The following ZNF684 variants were observed in gnomAD, a reference collection of about 807,000 sequenced individuals.
ZNF684 encodes the protein zinc finger protein 684.
A neutral mutation model predicts 12.8 loss-of-function variants in ZNF684; 13 were observed. The ratio of observed to expected loss-of-function variants is 1.02; its 90% confidence interval spans 0.66 to 1.62. The LOEUF is 1.62. Ranked by LOEUF, ZNF684 falls within the 40% of genes most tolerant of loss-of-function variation. The probability of loss-of-function intolerance (pLI) is 0.00; values close to 1 mark genes in which losing one functional copy is unlikely to be tolerated. For synonymous variants in ZNF684, 118 were observed against 151.8 expected, an observed-to-expected ratio of 0.78 and a Z score of 1.64; for missense variants, 384 against 446.9, an observed-to-expected ratio of 0.86 and a Z score of 1.27.
chr1:40,541,098 T>A (rs1646012172), intron 3 of ZNF684, among the ~76,000 whole-genome samples: 1 of 149,724 alleles, frequency 6.7e-6, no homozygotes, highest in Non-Finnish European at 1.5e-5. Context: ...AGCTGGGCCC[T>A]ACATTTTAGT....
chr1:40,547,433 T>C lies in ZNF684; in HGVS notation c.1110T>C (p.Leu370=), dbSNP rs1646055548. 3 of 1,605,344 alleles carry C rather than the reference T, an allele frequency of 1.9e-6. No individual in the cohort carries two copies. The highest frequency in any genetic ancestry group is 2.6e-6 in the Non-Finnish European group (3 of 1,174,626). The part of the protein sequence containing the change: ...CGKAFSQKSN[L]IVHQKIHT ...AAGCATTTTCCCAGAAGTCAAATCT[T>C]ATTGTACATCAGAAAATTCATACAT... Residue 370 remains leucine (L), a synonymous_variant, in exon 5 of 5, where the codon CTT becomes CTC. Transcript: ENST00000372699.
At chr1:40,540,115 A>G (rs1646006558) in intron 2 of ZNF684, among the ~76,000 whole-genome samples, 1 of 152,028 alleles carries the variant, frequency 6.6e-6, no homozygotes, top group Non-Finnish European at 1.5e-5. Context: ...ATTTTGATGA[A>G]TTCCTATTTA....
chr1:40,544,681 G>A (rs1377684999), intron 4 of ZNF684: 1 of 156,854 alleles, frequency 6.4e-6, no homozygotes, highest in African/African-American at 2.4e-5. Context: ...TTCAACAAAC[G>A]AGTATGAAAC....
chr1:40,546,470 T>G, intron 4 of ZNF684, 92 bp from the exon 5 acceptor site: 49 of 1,241,306 alleles, frequency 3.9e-5, no homozygotes, highest in East Asian at 5.0e-5. Flanking sequence ...TCTTTCAGAA[T>G]GAGATACTGT....
At chr1:40,531,919 T>G (rs563630342) in intron 1 of ZNF684, 132 bp downstream of exon 1, 5 of 152,470 alleles carry the variant, frequency 3.3e-5, no homozygotes, top group Admixed American at 3.3e-4. Context: ...CCTGTTCAAC[T>G]CGAGTAGCTG....
intron 4 of ZNF684, among the ~76,000 whole-genome samples, chr1:40,545,589 C>T (rs1173334906): frequency 1.3e-5 from 2 of 152,158 alleles, no homozygotes; most frequent in Non-Finnish European, 1.5e-5. Flanking sequence ...ACTTGCTGGA[C>T]ATTTGTGTTC....
chr1:40,538,792 C>A (rs537649960), intron 2 of ZNF684, among the ~76,000 whole-genome samples: 4 of 149,344 alleles, frequency 2.7e-5, no homozygotes, highest in Non-Finnish European at 5.9e-5. Context: ...CACTGCACTC[C>A]AGCGTGGGTG....
rs982917272 is a variant in ZNF684 at position 40,544,512 on chromosome 1, T to C, written c.239-2050T>C. ...AACTACAGGCGCCCGCCACCATGCC[T>C]GGCTAATTTTTGTATTTTTAGTAGA... On this transcript the variant is annotated intron_variant, in intron 4 of 4. Transcript: ENST00000372699. 4 of 302,088 alleles carry C rather than the reference T, an allele frequency of 1.3e-5. No homozygotes were observed. The East Asian group carries it at 3.9e-4, about 30-fold the overall frequency. The allele number at this position is 302,088 out of a possible 1,614,324, so 18.7% of individuals were successfully genotyped here.
At chr1:40,532,640 C>T (rs1261230662) in intron 1 of ZNF684, among the ~76,000 whole-genome samples, 2 of 150,246 alleles carry the variant, frequency 1.3e-5, no homozygotes, top group African/African-American at 4.9e-5. Context: ...AAGGATCCAG[C>T]TTAACAAAAA....
At chr1:40,541,495 GT>G (rs1646016119) in intron 3 of ZNF684, 119 bp from the exon 4 acceptor site, 2 of 761,474 alleles carry the variant, frequency 2.6e-6, no homozygotes, top group Non-Finnish European at 4.4e-6. Flanking sequence ...GGTCTGTTCT[GT>G]TTTAAAGGCT....
At chr1:40,538,798 G>A (rs577826455) in intron 2 of ZNF684, among the ~76,000 whole-genome samples, 1 of 151,180 alleles carries the variant, frequency 6.6e-6, no homozygotes, top group South Asian at 2.1e-4. Context: ...ACTCCAGCGT[G>A]GGTGACAGAG....
intron 2 of ZNF684, among the ~76,000 whole-genome samples, chr1:40,538,329 T>C (rs1022138870): frequency 6.6e-6 from 1 of 152,212 alleles, no homozygotes; most frequent in Admixed American, 6.5e-5. Context: ...ATGTTGTAGA[T>C]GTACCAGTGC....
Position 40,544,423 on chromosome 1 carries a change from T to A in ZNF684, c.239-2139T>A, listed in dbSNP as rs765373449. On this transcript the variant is annotated intron_variant, in intron 4 of 4. Transcript: ENST00000372699. ...GTCTCGCTCTGTCGCCAGGCTGGAG[T>A]GCAGTGGCGCAATCTCAGCTCGGGT... 63 of 420,794 alleles carry A rather than the reference T, an allele frequency of 1.5e-4. 1 individual carries two copies. Among genetic ancestry groups the A allele is most frequent in the Non-Finnish European group, 4.7e-5 (10 of 210,636 alleles). The allele number at this position is 420,794 out of a possible 1,614,324, so 26.1% of individuals were successfully genotyped here. A position where few individuals can be genotyped will look rare whatever the true frequency, so the allele number is the denominator to read the frequency against.
intron 3 of ZNF684, chr1:40,541,303 C>G: frequency 5.2e-6 from 1 of 192,060 alleles, no homozygotes; most frequent in Admixed American, 5.1e-5. Flanking sequence ...CCTGCCTCAG[C>G]CTCCCGAGTA....
intron 2 of ZNF684, among the ~76,000 whole-genome samples, chr1:40,534,808 T>TA (rs1170109270): frequency 2.0e-5 from 3 of 151,114 alleles, no homozygotes; most frequent in African/African-American, 7.3e-5. Context: ...GCCTGGGCAA[T>TA]ATAGCAAGAC....
At chr1:40,537,459 G>A (rs1322649747) in intron 2 of ZNF684, among the ~76,000 whole-genome samples, 2 of 152,170 alleles carry the variant, frequency 1.3e-5, no homozygotes, top group Non-Finnish European at 1.5e-5. Context: ...TATACAGTCA[G>A]CCAGGTGCAG....
chr1:40,541,586 C>T lies in ZNF684; in HGVS notation c.143-29C>T, dbSNP rs778534414. On this transcript the variant is annotated intron_variant, in intron 3 of 4. Transcript: ENST00000372699. ...TGGTTGTTTGCCTAGCACTTTGGCC[C>T]CACTTCTATGCTGTTTTCCCACCAA... 7 of 1,594,870 alleles carry T rather than the reference C, an allele frequency of 4.4e-6. No homozygotes were observed. In the Admixed American group the frequency reaches 5.0e-5, roughly 11 times the overall value.
chr1:40,539,870 A>T (rs1646005324), intron 2 of ZNF684, among the ~76,000 whole-genome samples: 2 of 151,854 alleles, frequency 1.3e-5, no homozygotes, highest in South Asian at 4.2e-4. Flanking sequence ...CTATATATAG[A>T]TATATAGATA....
chr1:40,533,221 CA>C (rs769364363), intron 2 of ZNF684, 40 bp downstream of exon 2: 2 of 1,599,900 alleles, frequency 1.3e-6, no homozygotes, highest in South Asian at 1.1e-5. Flanking sequence ...TTAAATCTCC[CA>C]AAAATCCATA....
Sources: gnomAD v4.1 joint callset for allele counts (sites outside exome capture counted in the v4.1 genomes callset) on GRCh38, gnomAD v4.1.1 for gene constraint, MANE v1.5 for transcripts, NCBI Gene and HGNC (gene_info 2026-07-23, HGNC 2026-07-21) for gene names.